Variants in SEMA4B observed in about 807,000 individuals in gnomAD.
SEMA4B encodes semaphorin 4B, also known as semaphorin-4B.
Under a neutral mutation model 88.1 loss-of-function variants are expected in SEMA4B, and 55 were observed. The ratio of observed to expected loss-of-function variants is 0.62; its 90% confidence interval spans 0.50 to 0.78. The LOEUF (loss-of-function observed/expected upper bound fraction) is 0.78, where lower values mean the gene tolerates loss of function less well. SEMA4B is among the 30% of genes least tolerant of loss of function. The pLI, the probability that SEMA4B is intolerant of heterozygous loss-of-function variation, is 0.00. For missense variants in SEMA4B, 1,062 were observed against 1,111.9 expected (o/e 0.96, Z 0.64); for synonymous variants, 525 against 473.6 (o/e 1.11, Z -1.41).
At chr15:90,221,327 T>C (rs2151619952) in intron 5 of SEMA4B, 40 bp from the exon 6 acceptor site, 1 of 1,491,338 alleles carries the variant, frequency 6.7e-7, no homozygotes, top group East Asian at 2.5e-5. Flanking sequence ...GAAGGGGCCG[T>C]GCTGAGGAGC....
At chr15:90,217,379 T>G in intron 1 of SEMA4B, 60 bp from the exon 2 acceptor site, 1 of 1,532,546 alleles carries the variant, frequency 6.5e-7, no homozygotes, top group East Asian at 2.3e-5. Context: ...TAAAGGTTGG[T>G]GTTAAGAGGC....
At chr15:90,188,760 C>T (rs558821543) in intron 1 of SEMA4B, among the ~76,000 whole-genome samples, 2 of 152,234 alleles carry the variant, frequency 1.3e-5, no homozygotes, top group Admixed American at 6.5e-5. Flanking sequence ...CTCCGCCCCC[C>T]GGATTCATGC....
chr15:90,199,334 A>AT (rs1192596963), upstream of SEMA4B, among the ~76,000 whole-genome samples: 1 of 152,022 alleles, frequency 6.6e-6, no homozygotes, highest in Non-Finnish European at 1.5e-5. Context: ...CAGATTATAG[A>AT]TTTTCTAATG....
intron 12 of SEMA4B, chr15:90,227,285 G>A (rs1351361866): frequency 2.2e-5 from 9 of 402,814 alleles, no homozygotes; most frequent in Admixed American, 4.2e-5. Flanking sequence ...GGGCTCAAGC[G>A]ATCTACCGGC....
intron 1 of SEMA4B, chr15:90,206,734 C>T (rs966238099): frequency 1.1e-5 from 8 of 759,258 alleles, no homozygotes; most frequent in South Asian, 1.4e-5. Context: ...TTGCATCCAA[C>T]GGTGATGAGA....
chr15:90,227,237 G>T, intron 12 of SEMA4B: 1 of 287,496 alleles, frequency 3.5e-6, no homozygotes, highest in Non-Finnish European at 6.6e-6. Context: ...TTGTAGAGAT[G>T]GGGTCTCGCT....
chr15:90,225,048 C>T lies in SEMA4B; in HGVS notation c.1275C>T (p.Asp425=), dbSNP rs772555918. 20 of 1,613,790 alleles carry T rather than the reference C, an allele frequency of 1.2e-5. No homozygotes were observed. In the African/African-American group the frequency reaches 2.7e-4, roughly 22 times the overall value. ...LPDRVLNFLK[D]HFLMDGQVRS... is the part of the protein sequence containing the mutation. ...ACCGCGTGCTGAACTTCCTCAAGGA[C>T]CACTTCCTGATGGACGGGCAGGTCC... is the stretch of plus-strand genomic sequence containing the variant. Residue 425 remains aspartate (D), a synonymous_variant, in exon 10 of 14, where the codon GAC becomes GAT. Transcript: ENST00000411539.
chr15:90,191,634 C>A (rs564786226), intron 1 of SEMA4B, among the ~76,000 whole-genome samples: 1 of 152,194 alleles, frequency 6.6e-6, no homozygotes, highest in East Asian at 1.9e-4. Flanking sequence ...GACAGAAGAA[C>A]CTGTGTGCTC....
At position 90,220,430 on chromosome 15, in the gene SEMA4B, C is replaced by T. The variant is rs1378930943; in HGVS notation, c.483+539C>T. 7.7e-5 allele frequency among the ~76,000 whole-genome samples: 11 copies of T among 143,272 alleles called. No individual in the cohort carries two copies. In the East Asian group the frequency reaches 1.4e-3, roughly 19 times the overall value. 94.0% of individuals were successfully genotyped at this position (143,272 alleles called of 152,430 possible). On this transcript the variant is annotated intron_variant, in intron 4 of 13. Transcript: ENST00000411539. ...TCGCCCAGGCTGGAGTGCAGTGGCA[C>T]GATCTCGGCTCACTGCAAGCTCTGC...
upstream of SEMA4B, among the ~76,000 whole-genome samples, chr15:90,199,882 C>T (rs559510079): frequency 2.5e-4 from 38 of 151,560 alleles, 1 homozygote; most frequent in South Asian, 6.3e-3. Flanking sequence ...CTGGACTAGG[C>T]GGCAGATAGG....
chr15:90,220,155 C>G (rs889870151), intron 4 of SEMA4B: 1 of 432,804 alleles, frequency 2.3e-6, no homozygotes, highest in South Asian at 3.7e-5. Context: ...CCTTGCTGCC[C>G]TCTTCTGCTT....
intron 7 of SEMA4B, among the ~76,000 whole-genome samples, chr15:90,222,603 C>T (rs914310465): frequency 6.6e-6 from 1 of 151,928 alleles, no homozygotes; most frequent in Admixed American, 6.6e-5. Context: ...ACTGTACACA[C>T]AAAAATCACT....
At chr15:90,226,967 TAAAAA>T (rs1167626549) in intron 12 of SEMA4B, among the ~76,000 whole-genome samples, 1 of 151,910 alleles carries the variant, frequency 6.6e-6, no homozygotes, top group African/African-American at 2.4e-5. Context: ...AAATTTTAAT[TAAAAA>T]AAAGAAAAAG....
intron 1 of SEMA4B, among the ~76,000 whole-genome samples, chr15:90,187,794 C>A (rs1460524374): frequency 6.6e-6 from 1 of 151,752 alleles, no homozygotes; most frequent in African/African-American, 2.4e-5. Flanking sequence ...ATCACGAGGT[C>A]AGGAGATTGA....
At chr15:90,210,358 G>A (rs370964453) in intron 1 of SEMA4B, among the ~76,000 whole-genome samples, 21 of 152,164 alleles carry the variant, frequency 1.4e-4, no homozygotes, top group Admixed American at 1.4e-3. Flanking sequence ...CAGCATCCGC[G>A]TCATTGAAGT....
chr15:90,201,254 C>G (rs1416229336), upstream of SEMA4B: 8 of 1,015,560 alleles, frequency 7.9e-6, no homozygotes, highest in African/African-American at 1.0e-4. Context: ...TGCCAGCGCC[C>G]GGGAAGGAGG....
chr15:90,205,600 T>C (rs1156983636), intron 1 of SEMA4B, among the ~76,000 whole-genome samples: 1 of 152,204 alleles, frequency 6.6e-6, no homozygotes, highest in Non-Finnish European at 1.5e-5. Flanking sequence ...CATGAAATAA[T>C]GTATGTAAAG....
chr15:90,228,220 T>A lies in SEMA4B; in HGVS notation c.2091T>A (p.Arg697=). The part of the protein sequence containing the change: ...GSVPVIISTS[R]VSAPAGGKAS... ...TACCCGTCATTATCAGCACATCGCG[T>A]GTGAGTGCACCAGCTGGTGGCAAGG... The change falls in exon 14 of 14, where the codon CGT becomes CGA. Residue 697 remains arginine (R), a synonymous_variant. Transcript: ENST00000411539. 6.2e-7 allele frequency: 1 copy of A among 1,607,352 alleles called. No individual in the cohort carries two copies. Among genetic ancestry groups the A allele is most frequent in the Non-Finnish European group, 8.5e-7 (1 of 1,176,514 alleles).
upstream of SEMA4B, among the ~76,000 whole-genome samples, chr15:90,198,139 G>C (rs1960576207): frequency 6.6e-6 from 1 of 151,340 alleles, no homozygotes; most frequent in Non-Finnish European, 1.5e-5. Flanking sequence ...CCATGGTCTC[G>C]ATCTCCTGAC....
Sources: gnomAD v4.1 joint callset for allele counts (sites outside exome capture counted in the v4.1 genomes callset) on GRCh38, gnomAD v4.1.1 for gene constraint, MANE v1.5 for transcripts, NCBI Gene and HGNC (gene_info 2026-07-23, HGNC 2026-07-21) for gene names.